Variants in SUGCT observed in about 807,000 individuals in gnomAD.
SUGCT encodes the protein succinyl-CoA:glutarate CoA-transferase.
SUGCT carries 41 observed loss-of-function variants against 55.0 expected under a neutral mutation model. The ratio of observed to expected loss-of-function variants is 0.74; its 90% CI spans 0.58 to 0.97. The LOEUF (loss-of-function observed/expected upper bound fraction) is 0.97, where lower values mean the gene tolerates loss of function less well. Among genes scored for constraint, SUGCT ranks in the 50% least tolerant of loss-of-function variants. The pLI, the probability that SUGCT is intolerant of heterozygous loss-of-function variation, is 0.00. For missense variants in SUGCT, 568 were observed against 547.8 expected (o/e 1.04, Z -0.37); for synonymous variants, 187 against 200.4 (o/e 0.93, Z 0.56).
intron 9 of SUGCT, among the ~76,000 whole-genome samples, chr7:40,405,974 A>G (rs534705604): frequency 4.6e-5 from 7 of 152,280 alleles, no homozygotes; most frequent in South Asian, 4.1e-4. Context: ...GGGAATTGCA[A>G]TAGAGTTTAA....
chr7:40,687,124 A>G (rs1003962134), intron 12 of SUGCT, among the ~76,000 whole-genome samples: 1 of 152,010 alleles, frequency 6.6e-6, no homozygotes, highest in African/African-American at 2.4e-5. Flanking sequence ...ATCTATCATC[A>G]TCTGTTGTTT....
At chr7:40,641,795 T>C (rs539646130) in intron 12 of SUGCT, among the ~76,000 whole-genome samples, 5 of 152,322 alleles carry the variant, frequency 3.3e-5, no homozygotes, top group East Asian at 1.9e-4. Context: ...GTTGAACTTA[T>C]GAAAGGCTCA....
chr7:40,832,835 C>T (rs573491463), intron 13 of SUGCT, among the ~76,000 whole-genome samples: 129 of 152,100 alleles, frequency 8.5e-4, no homozygotes, highest in South Asian at 1.7e-3. Context: ...CTACTATGCC[C>T]GGCTAATTTT....
At chr7:40,732,393 A>C (rs1786937907) in intron 12 of SUGCT, among the ~76,000 whole-genome samples, 1 of 152,166 alleles carries the variant, frequency 6.6e-6, no homozygotes, top group African/African-American at 2.4e-5. Flanking sequence ...ATCCCATCTG[A>C]AAAGACTCTT....
At chr7:40,428,665 C>T (rs374496316) in intron 9 of SUGCT, among the ~76,000 whole-genome samples, 32 of 152,182 alleles carry the variant, frequency 2.1e-4, no homozygotes, top group African/African-American at 7.5e-4. Flanking sequence ...GATGTCACAC[C>T]TTACAGCTAT....
intron 12 of SUGCT, among the ~76,000 whole-genome samples, chr7:40,724,436 G>A (rs149548308): frequency 1.3e-5 from 2 of 152,118 alleles, no homozygotes; most frequent in African/African-American, 2.4e-5. Context: ...GGCAGCGTGC[G>A]CCTGTAGTCC....
chr7:41,012,047 T>C, the SUGCT span, among the ~76,000 whole-genome samples: 1 of 152,308 alleles, frequency 6.6e-6, no homozygotes, highest in Admixed American at 6.5e-5. Context: ...CCAATAACTG[T>C]GGAAGCCAAA....
At chr7:40,951,799 T>C in the SUGCT span, among the ~76,000 whole-genome samples, 1 of 152,216 alleles carries the variant, frequency 6.6e-6, no homozygotes, top group Non-Finnish European at 1.5e-5. Context: ...CTAGTTTGAT[T>C]GCACTGTGGT....
chr7:40,629,065 G>A (rs1799661149), intron 12 of SUGCT, among the ~76,000 whole-genome samples: 1 of 152,096 alleles, frequency 6.6e-6, no homozygotes, highest in Non-Finnish European at 1.5e-5. Flanking sequence ...AGACTCTTAG[G>A]TTCCTCCTCA....
At chr7:40,791,734 G>T (rs1584447733) in intron 13 of SUGCT, among the ~76,000 whole-genome samples, 1 of 152,110 alleles carries the variant, frequency 6.6e-6, no homozygotes, top group Non-Finnish European at 1.5e-5. Context: ...TTTACATTTT[G>T]TCTTATTTCA....
At chr7:40,390,189 G>A (rs890886764) in intron 9 of SUGCT, among the ~76,000 whole-genome samples, 2 of 152,156 alleles carry the variant, frequency 1.3e-5, no homozygotes, top group African/African-American at 4.8e-5. Flanking sequence ...TACTGAATGG[G>A]CATAAACTGG....
Position 40,576,143 on chromosome 7 carries a change from G to A in SUGCT, c.1089+79757G>A, listed in dbSNP as rs148834035. Among the ~76,000 whole-genome samples the A allele has an allele frequency of 3.6e-3, 545 of 152,156 alleles. 1 individual carries two copies. The highest frequency in any genetic ancestry group is 0.013 in the African/African-American group (522 of 41,522). On this transcript the variant is annotated intron_variant, in intron 12 of 13. Transcript: ENST00000335693. ...ATTTACATAAAATAAAAAATAAGACGCATGAAACTTTTTAGCTTTTTGAAT... is the reference window on the plus strand; with the variant it reads ...ATTTACATAAAATAAAAAATAAGACACATGAAACTTTTTAGCTTTTTGAAT...
At chr7:40,169,903 T>G (rs1784594337) in intron 1 of SUGCT, among the ~76,000 whole-genome samples, 1 of 152,178 alleles carries the variant, frequency 6.6e-6, no homozygotes, top group African/African-American at 2.4e-5. Flanking sequence ...AGTGATAAAC[T>G]TATCCTTTAA....
chr7:40,941,267 A>T, the SUGCT span, among the ~76,000 whole-genome samples: 1 of 152,032 alleles, frequency 6.6e-6, no homozygotes, highest in Non-Finnish European at 1.5e-5. Flanking sequence ...AGAGGTTTTG[A>T]TAACTTATGT....
intron 13 of SUGCT, among the ~76,000 whole-genome samples, chr7:40,786,994 T>C (rs1438771878): frequency 1.3e-5 from 2 of 152,212 alleles, no homozygotes; most frequent in Non-Finnish European, 2.9e-5. Context: ...GTTTGATTCA[T>C]TTTTTATTAA....
At chr7:40,778,480 A>G (rs1474971775) in intron 13 of SUGCT, among the ~76,000 whole-genome samples, 1 of 152,210 alleles carries the variant, frequency 6.6e-6, no homozygotes. Context: ...GCAGAAGTAA[A>G]ATTATTTCAG....
chr7:40,188,337 G>A (rs536808745), intron 3 of SUGCT, among the ~76,000 whole-genome samples, 158 bp from the exon 4 acceptor site: 1 of 151,472 alleles, frequency 6.6e-6, no homozygotes, highest in South Asian at 2.1e-4. Flanking sequence ...AGGTGGCTGA[G>A]GCAGGAGAAT....
intron 12 of SUGCT, among the ~76,000 whole-genome samples, chr7:40,511,001 A>G (rs957925332): frequency 6.6e-6 from 1 of 152,196 alleles, no homozygotes; most frequent in South Asian, 2.1e-4. Flanking sequence ...CTGAAGTTTT[A>G]AAAGATTCTG....
intron 9 of SUGCT, among the ~76,000 whole-genome samples, chr7:40,432,120 A>G (rs372814666): frequency 1.4e-4 from 21 of 152,276 alleles, no homozygotes; most frequent in East Asian, 5.8e-4. Flanking sequence ...AGTGTAAAAC[A>G]TTCAGTTTTT....
Sources: allele counts gnomAD v4.1 joint callset (sites outside exome capture counted in the v4.1 genomes callset), GRCh38; gene constraint gnomAD v4.1.1; transcripts MANE v1.5; gene names NCBI Gene and HGNC (gene_info 2026-07-23, HGNC 2026-07-21).